Variants in PCDHA6 observed in about 807,000 individuals in gnomAD.
The protein encoded by PCDHA6 is protocadherin alpha-6.
In PCDHA6, 55 loss-of-function variants were observed where a neutral mutation model predicts 60.3. That is an observed-to-expected ratio of 0.91 (90% CI 0.73 to 1.14). PCDHA6 has a LOEUF of 1.14. Among genes scored for constraint, PCDHA6 ranks in the 50% most tolerant of loss-of-function variants. PCDHA6 has a pLI of 0.00. For synonymous variants in PCDHA6, 652 were observed against 557.9 expected (o/e 1.17, Z -2.38); for missense variants, 1,327 against 1,256.5 (o/e 1.06, Z -0.85).
At chr5:140,857,325 C>G (rs200630375) in intron 1 of PCDHA6, 2 of 1,598,630 alleles carry the variant, frequency 1.3e-6, no homozygotes, top group African/African-American at 1.3e-5. Flanking sequence ...GTGGTGACCG[C>G]GCGGGACGGG....
intron 1 of PCDHA6, chr5:140,967,556 G>A (rs1586226034): frequency 6.2e-7 from 1 of 1,614,030 alleles, no homozygotes; most frequent in East Asian, 2.2e-5. Context: ...CACTTATCGC[G>A]TCCAGCTACG....
chr5:140,966,075 T>C (rs1164431515), intron 1 of PCDHA6: 1 of 153,402 alleles, frequency 6.5e-6, no homozygotes, highest in Non-Finnish European at 1.4e-5. Context: ...CCCTGCGTTG[T>C]TTCCTTTTAA....
At chr5:140,830,506 AAC>A in intron 1 of PCDHA6, 21 bp downstream of exon 1, 2 of 1,430,724 alleles carry the variant, frequency 1.4e-6, no homozygotes, top group Non-Finnish European at 1.9e-6. Flanking sequence ...TTTCATAATT[AAC>A]AGTTAATTTT....
intron 1 of PCDHA6, chr5:140,882,615 T>A (rs1554174850): frequency 6.2e-7 from 1 of 1,614,020 alleles, no homozygotes; most frequent in South Asian, 1.1e-5. Flanking sequence ...CCTCTGCAGG[T>A]TTTCCATGTG....
chr5:140,939,956 A>G (rs2092504641), intron 1 of PCDHA6, among the ~76,000 whole-genome samples: 1 of 152,234 alleles, frequency 6.6e-6, no homozygotes, highest in Non-Finnish European at 1.5e-5. Context: ...AAATTATGTT[A>G]AAGTGTTCCA....
At chr5:140,956,057 T>C (rs2095252530) in intron 1 of PCDHA6, among the ~76,000 whole-genome samples, 1 of 152,308 alleles carries the variant, frequency 6.6e-6, no homozygotes, top group South Asian at 2.1e-4. Flanking sequence ...GCTGAGACAA[T>C]GGGGTTTTCC....
chr5:140,860,276 G>T (rs1399451611), intron 1 of PCDHA6: 2 of 151,942 alleles, frequency 1.3e-5, no homozygotes, highest in South Asian at 2.1e-4. Flanking sequence ...TGCTACTTGG[G>T]AGGGTGAGGT....
chr5:140,829,855 C>A lies in PCDHA6; in HGVS notation c.1764C>A (p.Gly588=). ...SELVPRSLGA[G]QVVAKVRAVD... Reference sequence around the variant, plus strand: ...TGGTGCCGCGGTCACTGGGTGCAGGCCAAGTGGTGGCGAAGGTGCGCGCAG... The same window carrying A: ...TGGTGCCGCGGTCACTGGGTGCAGGACAAGTGGTGGCGAAGGTGCGCGCAG... Residue 588 remains glycine (G), a synonymous_variant, in exon 1 of 4, where the codon GGC becomes GGA. Transcript: ENST00000529310. The A allele has an allele frequency of 6.2e-7, 1 of 1,613,928 alleles. No homozygotes were observed. Among genetic ancestry groups the A allele is most frequent in the Non-Finnish European group, 8.5e-7 (1 of 1,179,882 alleles).
At chr5:140,862,664 C>A in intron 1 of PCDHA6, 1 of 547,450 alleles carries the variant, frequency 1.8e-6, no homozygotes, top group Non-Finnish European at 3.7e-6. Flanking sequence ...GACCGGGACG[C>A]GCAGGAGAAC....
At chr5:140,871,116 C>T (rs200344692) in intron 1 of PCDHA6, 44 of 1,613,146 alleles carry the variant, frequency 2.7e-5, no homozygotes, top group Non-Finnish European at 3.6e-5. Flanking sequence ...TGGTGGAGAG[C>T]GGACAGGCGC....
At chr5:140,941,634 T>G (rs2093133728) in intron 1 of PCDHA6, among the ~76,000 whole-genome samples, 1 of 152,074 alleles carries the variant, frequency 6.6e-6, no homozygotes, top group South Asian at 2.1e-4. Context: ...TCTTAATTTC[T>G]GTCTTCCTAC....
At chr5:140,877,816 GATT>G (rs2057354449) in intron 1 of PCDHA6, 1 of 1,609,196 alleles carries the variant, frequency 6.2e-7, no homozygotes, top group East Asian at 2.2e-5. Flanking sequence ...GTCTCGAGAA[GATT>G]GTTTAAATCC....
chr5:140,972,287 G>T (rs2096528818), intron 1 of PCDHA6, among the ~76,000 whole-genome samples: 1 of 151,036 alleles, frequency 6.6e-6, no homozygotes, highest in Non-Finnish European at 1.5e-5. Flanking sequence ...CCATAGATGT[G>T]CGCCACCGTG....
At chr5:141,008,159 G>A (rs1352277469) in intron 3 of PCDHA6, among the ~76,000 whole-genome samples, 1 of 152,138 alleles carries the variant, frequency 6.6e-6, no homozygotes, top group East Asian at 1.9e-4. Flanking sequence ...TTGATAAGAT[G>A]AGGACTAAAA....
At chr5:140,903,800 A>T (rs2070614237) in intron 1 of PCDHA6, among the ~76,000 whole-genome samples, 1 of 152,178 alleles carries the variant, frequency 6.6e-6, no homozygotes, top group African/African-American at 2.4e-5. Context: ...GTTGTAATTG[A>T]CAAGTATAGT....
At chr5:140,919,643 C>CTA (rs1244015726) in intron 1 of PCDHA6, among the ~76,000 whole-genome samples, 7 of 152,192 alleles carry the variant, frequency 4.6e-5, no homozygotes, top group Non-Finnish European at 8.8e-5. Flanking sequence ...AGTAGTTTCT[C>CTA]TAGAGTTTAC....
chr5:140,928,334 C>CT, intron 1 of PCDHA6: 1 of 1,614,158 alleles, frequency 6.2e-7, no homozygotes, highest in Non-Finnish European at 8.5e-7. Flanking sequence ...GGCCTTGTCT[C>CT]TTATGAGCTG....
intron 1 of PCDHA6, chr5:140,835,929 A>G: frequency 6.2e-7 from 1 of 1,612,456 alleles, no homozygotes; most frequent in Non-Finnish European, 8.5e-7. Context: ...GGAGAGCGGC[A>G]AGGTGTACGC....
chr5:140,875,426 A>G, intron 1 of PCDHA6: 1 of 1,532,482 alleles, frequency 6.5e-7, no homozygotes, highest in Non-Finnish European at 8.7e-7. Context: ...CAGGCAAGCG[A>G]TCCCTTAAAA....
Sources: allele counts gnomAD v4.1 joint callset (sites outside exome capture counted in the v4.1 genomes callset), GRCh38; gene constraint gnomAD v4.1.1; transcripts MANE v1.5; gene names NCBI Gene and HGNC (gene_info 2026-07-23, HGNC 2026-07-21).